Variants in LDLRAD3 observed in about 807,000 individuals in gnomAD.
The protein encoded by LDLRAD3 is low-density lipoprotein receptor class A domain-containing protein 3.
LDLRAD3 carries 20 observed loss-of-function variants against 29.4 expected under a neutral mutation model. The observed-to-expected ratio is 0.68, with a 90% CI of 0.48 to 0.99. The LOEUF is 0.99. Among genes scored for constraint, LDLRAD3 ranks in the 50% least tolerant of loss-of-function variants. LDLRAD3 has a pLI of 0.00. For missense variants in LDLRAD3, 420 were observed against 454.3 expected (o/e 0.92, Z 0.69); for synonymous variants, 157 against 192.7 (o/e 0.81, Z 1.53).
Position 36,113,163 on chromosome 11 carries a change from T to C in LDLRAD3, c.454+14702T>C, listed in dbSNP as rs571403654. ...CACATTAGGTTCTTAATGTGGAATA[T>C]TTGAGGTGGCCCAGGGATTCTGTAT... On this transcript the variant is annotated intron_variant, in intron 4 of 5. Coordinates refer to ENST00000315571, the MANE Select transcript of LDLRAD3 (RefSeq NM_174902.4). 4.6e-5 allele frequency among the ~76,000 whole-genome samples: 7 copies of C among 152,302 alleles called. No homozygotes were observed. The South Asian group carries it at 1.5e-3, about 32-fold the overall frequency.
At chr11:35,967,180 C>T in intron 1 of LDLRAD3, 1 of 197,930 alleles carries the variant, frequency 5.1e-6, no homozygotes, top group African/African-American at 2.3e-5. Context: ...GTTCCCTTTC[C>T]AGTGCAGCTG....
At chr11:35,962,826 C>T (rs555800876) in intron 1 of LDLRAD3, among the ~76,000 whole-genome samples, 26 of 152,192 alleles carry the variant, frequency 1.7e-4, no homozygotes, top group East Asian at 7.7e-4. Flanking sequence ...CAGAACTCAA[C>T]GTGGGTGGGG....
intron 3 of LDLRAD3, among the ~76,000 whole-genome samples, chr11:36,082,479 G>A (rs1460710180): frequency 6.6e-6 from 1 of 152,222 alleles, no homozygotes; most frequent in African/African-American, 2.4e-5. Flanking sequence ...CTGCACTCCA[G>A]CCTGGGCAAC....
intron 1 of LDLRAD3, among the ~76,000 whole-genome samples, chr11:35,990,161 C>A (rs889402050): frequency 3.4e-4 from 51 of 152,004 alleles, no homozygotes; most frequent in African/African-American, 1.2e-3. Flanking sequence ...TCAGGGTTGC[C>A]GTAAGGATTT....
intron 1 of LDLRAD3, among the ~76,000 whole-genome samples, chr11:35,975,489 G>A (rs545383277): frequency 5.3e-5 from 8 of 152,098 alleles, no homozygotes; most frequent in Non-Finnish European, 7.4e-5. Context: ...CTGCATTTTC[G>A]TTTTCCCCAC....
intron 4 of LDLRAD3, among the ~76,000 whole-genome samples, chr11:36,103,083 T>C (rs1909493): frequency 0.4 from 60,165 of 151,896 alleles, 12,875 homozygotes; most frequent in Middle Eastern, 0.48. Flanking sequence ...CTCCAGAACG[T>C]TTTCATTTTG....
At chr11:35,990,161 C>T (rs889402050) in intron 1 of LDLRAD3, among the ~76,000 whole-genome samples, 5 of 152,122 alleles carry the variant, frequency 3.3e-5, no homozygotes, top group South Asian at 2.1e-4. Context: ...TCAGGGTTGC[C>T]GTAAGGATTT....
intron 2 of LDLRAD3, among the ~76,000 whole-genome samples, chr11:36,057,699 A>G (rs1252052364): frequency 1.3e-5 from 2 of 152,158 alleles, no homozygotes; most frequent in Non-Finnish European, 2.9e-5. Flanking sequence ...TCCTCCCTGG[A>G]TCGTCAGTTG....
chr11:36,212,397 T>C (rs1027394545), intron 4 of LDLRAD3, among the ~76,000 whole-genome samples: 4 of 152,114 alleles, frequency 2.6e-5, no homozygotes, highest in African/African-American at 9.7e-5. Context: ...CTGTTGACAT[T>C]TCTGAAGCAA....
At chr11:36,138,052 G>T (rs1179846541) in intron 4 of LDLRAD3, among the ~76,000 whole-genome samples, 1 of 152,186 alleles carries the variant, frequency 6.6e-6, no homozygotes, top group African/African-American at 2.4e-5. Flanking sequence ...TTGCATTTGA[G>T]GTGCATCACC....
intron 4 of LDLRAD3, among the ~76,000 whole-genome samples, chr11:36,199,468 C>T (rs756121771): frequency 6.6e-6 from 1 of 152,142 alleles, no homozygotes; most frequent in Non-Finnish European, 1.5e-5. Context: ...CTACTCAATA[C>T]AAGTTGATTC....
chr11:36,020,838 T>C (rs1852086172), intron 1 of LDLRAD3, among the ~76,000 whole-genome samples: 1 of 152,280 alleles, frequency 6.6e-6, no homozygotes, highest in African/African-American at 2.4e-5. Flanking sequence ...TGTGACGTGG[T>C]CAGATTTGTT....
At chr11:36,073,553 C>G (rs1344447268) in intron 2 of LDLRAD3, among the ~76,000 whole-genome samples, 2 of 152,244 alleles carry the variant, frequency 1.3e-5, no homozygotes, top group East Asian at 3.8e-4. Flanking sequence ...GTCATGCAGG[C>G]AGGGAGCAGC....
At chr11:36,191,566 C>A (rs1233875842) in intron 4 of LDLRAD3, among the ~76,000 whole-genome samples, 2 of 77,800 alleles carry the variant, frequency 2.6e-5, no homozygotes, top group African/African-American at 5.9e-5. Context: ...CTCTCTCTCT[C>A]TCTCTCTCTC....
chr11:36,079,647 C>T (rs2133255569), intron 2 of LDLRAD3, among the ~76,000 whole-genome samples: 1 of 152,146 alleles, frequency 6.6e-6, no homozygotes, highest in African/African-American at 2.4e-5. Context: ...TGCATGGGTG[C>T]AAGAGGCAGC....
chr11:36,104,165 C>G (rs555242307), intron 4 of LDLRAD3, among the ~76,000 whole-genome samples: 3 of 152,330 alleles, frequency 2.0e-5, no homozygotes, highest in East Asian at 1.9e-4. Flanking sequence ...GTGAGCCGCC[C>G]TACTCAGAGG....
chr11:36,213,774 G>A lies in LDLRAD3; in HGVS notation c.455-13311G>A, dbSNP rs910135355. Among the ~76,000 whole-genome samples, 4 of 152,150 alleles carry A rather than the reference G, an allele frequency of 2.6e-5. No homozygotes were observed. Among genetic ancestry groups the A allele is most frequent in the South Asian group, 2.1e-4 (1 of 4,826 alleles). On this transcript the variant is annotated intron_variant, in intron 4 of 5. Coordinates refer to ENST00000315571, the MANE Select transcript of LDLRAD3 (RefSeq NM_174902.4). This position sits in a 1 kb window ranked among gnomAD's most constrained non-coding sequence, Gnocchi z 4.1. ...GGACCCAGCCAGACTCCCCTCCATC[G>A]CATCACAGCTTGGAGGCTCTGTGCC...
At chr11:36,013,786 GT>G (rs11308318) in intron 1 of LDLRAD3, among the ~76,000 whole-genome samples, 87,890 of 151,658 alleles carry the variant, frequency 0.58, 25,573 homozygotes, top group East Asian at 0.71. Context: ...GTGTGCCTGA[GT>G]TTTTTTCCTT....
intron 2 of LDLRAD3, among the ~76,000 whole-genome samples, chr11:36,074,272 A>C (rs1853568154): frequency 6.6e-6 from 1 of 152,222 alleles, no homozygotes; most frequent in African/African-American, 2.4e-5. Context: ...TTAATACAAA[A>C]CTGGGGAGAC....
Sources: gnomAD v4.1 joint callset for allele counts (sites outside exome capture counted in the v4.1 genomes callset) on GRCh38, gnomAD v4.1.1 for gene constraint, Gnocchi (gnomAD v3.1) non-coding constraint, MANE v1.5 for transcripts, NCBI Gene and HGNC (gene_info 2026-07-23, HGNC 2026-07-21) for gene names.